Variants in PDE10A observed in about 807,000 individuals in gnomAD.
PDE10A encodes cAMP and cAMP-inhibited cGMP 3',5'-cyclic phosphodiesterase 10A.
In PDE10A, 39 loss-of-function variants were observed where a neutral mutation model predicts 97.7. The ratio of observed to expected loss-of-function variants is 0.40; its 90% CI spans 0.31 to 0.52. The LOEUF (loss-of-function observed/expected upper bound fraction) is 0.52. PDE10A is among the 20% of genes least tolerant of loss of function. PDE10A has a pLI of 0.56. For synonymous variants in PDE10A, 371 were observed against 376.8 expected (o/e 0.98, Z 0.18); for missense variants, 731 against 1,047.8 (o/e 0.70, Z 4.17).
chr6:165,596,725 TCA>T (rs753377916), intron 1 of PDE10A, among the ~76,000 whole-genome samples: 1 of 151,948 alleles, frequency 6.6e-6, no homozygotes, highest in African/African-American at 2.4e-5. Flanking sequence ...TGAGACCATG[TCA>T]CACACACACA....
intron 2 of PDE10A, among the ~76,000 whole-genome samples, chr6:165,483,346 A>G (rs1327432786): frequency 6.6e-6 from 1 of 152,210 alleles, no homozygotes; most frequent in Non-Finnish European, 1.5e-5. Context: ...TTTTTGTATT[A>G]CTGTATTAAT....
intron 1 of PDE10A, among the ~76,000 whole-genome samples, chr6:165,896,595 G>A (rs1781956053): frequency 6.7e-6 from 1 of 149,570 alleles, no homozygotes; most frequent in African/African-American, 2.5e-5. Flanking sequence ...CGCAATCTCG[G>A]CTCACTGCAA....
chr6:165,592,820 G>A (rs1386848218), intron 1 of PDE10A, among the ~76,000 whole-genome samples: 2 of 152,306 alleles, frequency 1.3e-5, no homozygotes, highest in East Asian at 1.9e-4. Flanking sequence ...AGAGGATATG[G>A]AGAAATAGGA....
chr6:165,687,124 G>A (rs1321267330), intron 1 of PDE10A, among the ~76,000 whole-genome samples: 2 of 152,186 alleles, frequency 1.3e-5, no homozygotes, highest in Non-Finnish European at 2.9e-5. Context: ...CCTCGCCTTC[G>A]TTTCCATCCG....
chr6:165,748,717 C>T (rs59641479), intron 1 of PDE10A, among the ~76,000 whole-genome samples: 23,271 of 152,118 alleles, frequency 0.15, 2,840 homozygotes, highest in African/African-American at 0.33. Flanking sequence ...ACAAGCCTCA[C>T]AGCATAAAAT....
chr6:165,548,531 G>T (rs530004440), intron 1 of PDE10A, among the ~76,000 whole-genome samples: 2 of 151,868 alleles, frequency 1.3e-5, no homozygotes, highest in African/African-American at 4.8e-5. Context: ...ATGTTCCTCC[G>T]CTCTCTGCAT....
At position 165,794,397 on chromosome 6, in the gene PDE10A, TCA is replaced by T. The variant is rs999635731; in HGVS notation, c.-615+193130_-615+193131del. Reference sequence around the variant, plus strand: ...TACAATCCCCCACACTCACACATGCTCACACTCATCACACACTCCTACACTCA... The same window carrying T: ...TACAATCCCCCACACTCACACATGCTCACTCATCACACACTCCTACACTCA... On this transcript the variant is annotated intron_variant, in intron 1 of 19. Coordinates refer to the PDE10A transcript ENST00000366882. Among the ~76,000 whole-genome samples the T allele has an allele frequency of 5.4e-4, 81 of 149,870 alleles. 1 individual carries two copies. The highest frequency in any genetic ancestry group is 3.5e-3 in the Middle Eastern group (1 of 288).
intron 13 of PDE10A, among the ~76,000 whole-genome samples, chr6:165,398,671 T>G (rs1786382958): frequency 6.6e-6 from 1 of 152,168 alleles, no homozygotes; most frequent in African/African-American, 2.4e-5. Context: ...CAATATGGGT[T>G]CAAAATCAAT....
At chr6:165,422,302 CATACACACATACGCAT>C (rs1178165619) in intron 10 of PDE10A, among the ~76,000 whole-genome samples, 4 of 147,492 alleles carry the variant, frequency 2.7e-5, no homozygotes, top group Non-Finnish European at 5.9e-5. Context: ...CACACATACG[CATACACACATACGCAT>C]ATACACACAC....
At chr6:165,865,205 G>T (rs941235476) in intron 1 of PDE10A, among the ~76,000 whole-genome samples, 1 of 152,148 alleles carries the variant, frequency 6.6e-6, no homozygotes, top group Non-Finnish European at 1.5e-5. Flanking sequence ...TACAACTGAA[G>T]AAATCACAAG....
At chr6:165,878,015 C>T (rs147397093) in intron 1 of PDE10A, among the ~76,000 whole-genome samples, 150 of 152,272 alleles carry the variant, frequency 9.9e-4, no homozygotes, top group Middle Eastern at 3.4e-3. Context: ...CCCTCCACTG[C>T]ACAGAGATAA....
chr6:165,691,089 CTCTCTCTCTT>C (rs1791261864), intron 1 of PDE10A, among the ~76,000 whole-genome samples: 3 of 49,554 alleles, frequency 6.1e-5, no homozygotes, highest in African/African-American at 1.8e-4. Context: ...CTCTCTCTCT[CTCTCTCTCTT>C]TCTCTCTCCC....
At chr6:165,834,841 A>T (rs1423508686) in intron 1 of PDE10A, among the ~76,000 whole-genome samples, 1 of 152,230 alleles carries the variant, frequency 6.6e-6, no homozygotes, top group Non-Finnish European at 1.5e-5. Flanking sequence ...TGGAGCCATG[A>T]CAAGTACCAG....
At chr6:165,784,364 TC>T (rs1778437610) in intron 1 of PDE10A, among the ~76,000 whole-genome samples, 1 of 152,218 alleles carries the variant, frequency 6.6e-6, no homozygotes, top group African/African-American at 2.4e-5. Flanking sequence ...CCTGGTCCTT[TC>T]CACGTTTCTG....
At chr6:165,536,745 C>G (rs778999885) in intron 2 of PDE10A, among the ~76,000 whole-genome samples, 2 of 151,918 alleles carry the variant, frequency 1.3e-5, no homozygotes, top group Non-Finnish European at 2.9e-5. Context: ...ATCAAAACCA[C>G]AGTGAGATAT....
intron 1 of PDE10A, among the ~76,000 whole-genome samples, chr6:165,747,961 C>T (rs959071821): frequency 2.0e-5 from 3 of 152,204 alleles, no homozygotes; most frequent in Non-Finnish European, 4.4e-5. Flanking sequence ...AGAAGTTAAA[C>T]TGTGGCAGGG....
intron 11 of PDE10A, 87 bp from the exon 12 acceptor site, chr6:165,416,368 A>T: frequency 1.1e-6 from 1 of 883,162 alleles, no homozygotes; most frequent in Non-Finnish European, 1.9e-6. Flanking sequence ...ATAATATTGA[A>T]TTAAAAGCAC....
chr6:165,642,921 C>T (rs898799304), intron 1 of PDE10A, among the ~76,000 whole-genome samples: 15 of 151,350 alleles, frequency 9.9e-5, no homozygotes, highest in Admixed American at 8.5e-4. Context: ...TTTTTTTTTA[C>T]GGCAAATATG....
chr6:165,537,344 G>A (rs1382623677), intron 2 of PDE10A, among the ~76,000 whole-genome samples: 1 of 151,956 alleles, frequency 6.6e-6, no homozygotes, highest in Non-Finnish European at 1.5e-5. Flanking sequence ...CAGTTATATA[G>A]AAGGAATAAG....
Sources: gnomAD v4.1 joint callset for allele counts (sites outside exome capture counted in the v4.1 genomes callset) on GRCh38, gnomAD v4.1.1 for gene constraint, MANE v1.5 for transcripts, NCBI Gene and HGNC (gene_info 2026-07-23, HGNC 2026-07-21) for gene names.